The following CFAP46 variants were observed in gnomAD, a reference collection of about 807,000 sequenced individuals.
The protein encoded by CFAP46 is cilia and flagella associated protein 46, also known as cilia- and flagella-associated protein 46.
A neutral mutation model predicts 325.7 loss-of-function variants in CFAP46; 245 were observed. The ratio of observed to expected loss-of-function variants is 0.75; its 90% CI spans 0.68 to 0.84. The LOEUF (loss-of-function observed/expected upper bound fraction) is 0.84. Among genes scored for constraint, CFAP46 ranks in the 40% least tolerant of loss-of-function variants. CFAP46 has a pLI of 0.00. For synonymous variants in CFAP46, 1,523 were observed against 1,495.9 expected (o/e 1.02, Z -0.42); for missense variants, 3,346 against 3,543.0 (o/e 0.94, Z 1.41).
intron 50 of CFAP46, among the ~76,000 whole-genome samples, chr10:132,820,969 G>C (rs1847796622): frequency 7.7e-6 from 1 of 129,236 alleles, no homozygotes; most frequent in Non-Finnish European, 1.6e-5. Context: ...TGTGTGCTGT[G>C]TGTGTGCTGA....
chr10:132,942,530 G>T lies in CFAP46; in HGVS notation c.-46C>A. On this transcript the variant is annotated 5_prime_UTR_variant, in exon 1 of 58. Coordinates refer to ENST00000368586, the MANE Select transcript of CFAP46 (RefSeq NM_001200049.3). ...CCGCTCTCTCCGGGGTCCGCGGTGCGTCCTGCCGCCCACTGTCGGTTGGGT... is the reference window on the plus strand; with the variant it reads ...CCGCTCTCTCCGGGGTCCGCGGTGCTTCCTGCCGCCCACTGTCGGTTGGGT... 1.6e-6 allele frequency: 2 copies of T among 1,249,334 alleles called. No homozygotes were observed. The highest frequency in any genetic ancestry group is 2.0e-6 in the Non-Finnish European group (2 of 995,948). The allele number at this position is 1,249,334 out of a possible 1,614,324, so 77.4% of individuals were successfully genotyped here. A position where few individuals can be genotyped will look rare whatever the true frequency, so the allele number is the denominator to read the frequency against.
At position 132,922,124 on chromosome 10, in the gene CFAP46, T is replaced by G. The variant is rs1262597456; in HGVS notation, c.1586A>C (p.Asp529Ala). Residue 529 changes from aspartate to alanine, a missense_variant, in exon 13 of 58, where the codon GAC (aspartate) becomes GCC (alanine). Transcript: ENST00000368586. ...CTCACCTTTGGCCTCATTCTCACTG[T>G]CCAGCACAATCTGAAACGCGTCAGG... ...LAPDAFQIVL[D>A]SENEAKVSTG... The G allele has an allele frequency of 1.3e-6, 2 of 1,550,228 alleles. No individual in the cohort carries two copies. Among genetic ancestry groups the G allele is most frequent in the South Asian group, 2.4e-5 (2 of 84,066 alleles).
chr10:132,915,043 T>G (rs920102372), intron 17 of CFAP46, among the ~76,000 whole-genome samples: 6 of 152,278 alleles, frequency 3.9e-5, no homozygotes, highest in African/African-American at 1.4e-4. Flanking sequence ...TCCGTCCCGC[T>G]AGACCAGGCT....
chr10:132,816,107 G>C (rs1283551179), intron 50 of CFAP46, among the ~76,000 whole-genome samples: 2 of 152,160 alleles, frequency 1.3e-5, no homozygotes, highest in East Asian at 3.9e-4. Context: ...TTTTCTCCTA[G>C]TATTTTGTCC....
chr10:132,851,144 G>T lies in CFAP46; in HGVS notation c.5736C>A (p.Asn1912Lys). 1 of 1,614,060 alleles carries T rather than the reference G, an allele frequency of 6.2e-7. No homozygotes were observed. The highest frequency in any genetic ancestry group is 8.5e-7 in the Non-Finnish European group (1 of 1,180,038). The change falls in exon 40 of 58, where the codon AAC becomes AAA. Residue 1912 changes from asparagine (N) to lysine (K), a missense_variant. Asn to Lys is a moderately conservative substitution (Grantham distance 94, BLOSUM62 0). Coordinates refer to ENST00000368586, the MANE Select transcript of CFAP46 (RefSeq NM_001200049.3). ...LEKLLADYLQ[N>K]TSDYTSVGLQ... ...GGCCGACGGAAGTGTAGTCACTGGT[G>T]TTCTGCAGATAGTCCGCCAGCAGCT...
Position 132,885,836 on chromosome 10 carries a change from C to A in CFAP46, c.3428G>T (p.Arg1143Met). ...VLDEAVQVLP[R>M]TAHRLLIFKH... Reference sequence around the variant, plus strand: ...GAGCACTCACAGGCGGTGGGCCGTCCTTGGCAGCACCTGCACAGCCTCGTC... The same window carrying A: ...GAGCACTCACAGGCGGTGGGCCGTCATTGGCAGCACCTGCACAGCCTCGTC... The change falls in exon 26 of 58, where the codon AGG becomes ATG. Residue 1143 changes from arginine to methionine, a missense_variant. By Grantham distance (91) the Arg-to-Met change is moderately conservative. Coordinates refer to ENST00000368586, the MANE Select transcript of CFAP46 (RefSeq NM_001200049.3). The A allele has an allele frequency of 6.5e-7, 1 of 1,549,584 alleles. No individual in the cohort carries two copies. The highest frequency in any genetic ancestry group is 8.7e-7 in the Non-Finnish European group (1 of 1,146,752).
intron 39 of CFAP46, among the ~76,000 whole-genome samples, chr10:132,851,629 C>G (rs1364367276): frequency 6.6e-6 from 1 of 152,216 alleles, no homozygotes; most frequent in Non-Finnish European, 1.5e-5. Context: ...GCTGTCTTTC[C>G]GTCTGGTTCA....
intron 9 of CFAP46, chr10:132,929,481 G>C: frequency 1.3e-6 from 1 of 767,340 alleles, no homozygotes; most frequent in South Asian, 1.4e-5. Flanking sequence ...CTGTGGACCC[G>C]TGGCCACAAG....
At chr10:132,835,221 C>A in intron 47 of CFAP46, 83 bp downstream of exon 47, 1 of 1,556,584 alleles carries the variant, frequency 6.4e-7, no homozygotes, top group South Asian at 1.2e-5. Flanking sequence ...CCCGCCCCTC[C>A]CCCCACCTCG....
At chr10:132,850,203 G>T in intron 41 of CFAP46, 41 bp downstream of exon 41, 1 of 1,540,574 alleles carries the variant, frequency 6.5e-7, no homozygotes, top group Non-Finnish European at 8.8e-7. Flanking sequence ...ACGGGTGACT[G>T]GTGTTGGAGC....
intron 7 of CFAP46, among the ~76,000 whole-genome samples, chr10:132,935,959 C>A (rs1489661192): frequency 8.2e-5 from 8 of 97,282 alleles, no homozygotes; most frequent in South Asian, 1.0e-3. Context: ...ACACTGCGAT[C>A]TCCTCACTCC....
At chr10:132,872,965 ACAG>A in intron 31 of CFAP46, 141 bp from the exon 32 acceptor site, 1 of 898,472 alleles carries the variant, frequency 1.1e-6, no homozygotes, top group Non-Finnish European at 1.7e-6. Flanking sequence ...GTGTCCGCAC[ACAG>A]CAGGTGCTCA....
intron 50 of CFAP46, among the ~76,000 whole-genome samples, chr10:132,823,119 G>GTGCTGATGTGTGCTTTGTA (rs1165372287): frequency 7.0e-6 from 1 of 143,160 alleles, no homozygotes; most frequent in Non-Finnish European, 1.5e-5. Context: ...TGTGCTGTGT[G>GTGCTGATGTGTGCTTTGTA]TGTGCTGATG....
chr10:132,860,494 A>T lies in CFAP46; in HGVS notation c.5121T>A (p.Asn1707Lys). The T allele has an allele frequency of 6.4e-7, 1 of 1,551,152 alleles. No homozygotes were observed. The highest frequency in any genetic ancestry group is 8.7e-7 in the Non-Finnish European group (1 of 1,147,062). The change falls in exon 37 of 58, where the codon AAT becomes AAA. Residue 1707 changes from asparagine (N) to lysine (K), a missense_variant. Coordinates refer to ENST00000368586, the MANE Select transcript of CFAP46 (RefSeq NM_001200049.3). ...TVCHIFQKLINAFKILKKERP... is the reference protein window; with the variant it reads ...TVCHIFQKLIKAFKILKKERP... ...TTTCTTTCTTGAGGATCTTGAAGGC[A>T]TTGATGAGCTTCTGAAATATGTGAC...
At chr10:132,900,365 G>A (rs2135483660) in intron 22 of CFAP46, among the ~76,000 whole-genome samples, 1 of 152,378 alleles carries the variant, frequency 6.6e-6, no homozygotes, top group East Asian at 1.9e-4. Context: ...CTCCAGGGCT[G>A]CCGTGGCTGG....
intron 22 of CFAP46, among the ~76,000 whole-genome samples, chr10:132,900,492 G>A (rs577420725): frequency 9.2e-5 from 14 of 152,260 alleles, no homozygotes; most frequent in African/African-American, 1.2e-4. Flanking sequence ...GCTGGCTCAC[G>A]GGTAGACTCC....
chr10:132,861,706 C>T lies in CFAP46; in HGVS notation c.4891-724G>A, dbSNP rs566058237. ...CGGGAGCGGTGGCGGGAAAGCCGGT[C>T]CCAGCTGCAGGGCTGCCCAGGTGTC... On this transcript the variant is annotated intron_variant, in intron 35 of 57. Transcript: ENST00000368586. Among the ~76,000 whole-genome samples, 14 of 152,304 alleles carry T rather than the reference C, an allele frequency of 9.2e-5. No individual in the cohort carries two copies. The South Asian group carries it at 2.3e-3, about 25-fold the overall frequency.
chr10:132,904,860 C>T (rs930651499), intron 22 of CFAP46, among the ~76,000 whole-genome samples: 4 of 152,218 alleles, frequency 2.6e-5, no homozygotes, highest in African/African-American at 4.8e-5. Context: ...CTACAGGCTC[C>T]TTACGAGGGT....
Position 132,916,533 on chromosome 10 carries a change from T to G in CFAP46, c.2120+16A>C. ...GGCCCCGGGCGGTGCTCAAGGCCACTGTCGCCTCTGCCCACCTGTATGTGA... is the reference window on the plus strand; with the variant it reads ...GGCCCCGGGCGGTGCTCAAGGCCACGGTCGCCTCTGCCCACCTGTATGTGA... On this transcript the variant is annotated intron_variant, in intron 17 of 57. Transcript: ENST00000368586. The G allele has an allele frequency of 6.5e-7, 1 of 1,545,460 alleles. No homozygotes were observed.
Sources: gnomAD v4.1 joint callset for allele counts (sites outside exome capture counted in the v4.1 genomes callset) on GRCh38, gnomAD v4.1.1 for gene constraint, MANE v1.5 for transcripts, NCBI Gene and HGNC (gene_info 2026-07-23, HGNC 2026-07-21) for gene names.